The following PAWR variants were observed in gnomAD, a reference collection of about 807,000 sequenced individuals.
The protein encoded by PAWR is pro-apoptotic WT1 regulator, also known as PRKC apoptosis WT1 regulator protein.
Under a neutral mutation model 32.0 loss-of-function variants are expected in PAWR, and 23 were observed. The observed-to-expected ratio is 0.72, with a 90% CI of 0.52 to 1.02. PAWR has a LOEUF of 1.02. Ranked by LOEUF, PAWR falls within the 50% of genes least tolerant of loss-of-function variation. PAWR has a pLI of 0.00. For synonymous variants in PAWR, 226 were observed against 187.1 expected (o/e 1.21, Z -1.70); for missense variants, 457 against 437.7 (o/e 1.04, Z -0.39).
In PAWR at chr12:79,587,189, C is replaced by T. The variant is rs1205360936; in HGVS notation, c.*5418G>A. ...AATTTACTGGCTTGCTAGTGGAATA[C>T]GTCCTTATATAGGGACTTGAAGAGT... On this transcript the variant is annotated 3_prime_UTR_variant, in exon 7 of 7. Coordinates refer to ENST00000328827, the MANE Select transcript of PAWR (RefSeq NM_002583.4). The T allele has an allele frequency of 1.3e-5, 2 of 151,968 alleles. No individual in the cohort carries two copies. Among genetic ancestry groups the T allele is most frequent in the Admixed American group, 6.6e-5 (1 of 15,264 alleles). 9.4% of individuals were successfully genotyped at this position (151,968 alleles called of 1,614,324 possible).
At chr12:79,639,885 CCATTCCATT>C (rs1430700288) in intron 2 of PAWR, among the ~76,000 whole-genome samples, 1 of 77,062 alleles carries the variant, frequency 1.3e-5, no homozygotes, top group African/African-American at 3.8e-5. Context: ...TATTCCTATT[CCATTCCATT>C]CCATTCCATT....
chr12:79,683,281 A>C (rs915950762), intron 2 of PAWR, among the ~76,000 whole-genome samples: 1 of 152,210 alleles, frequency 6.6e-6, no homozygotes, highest in Admixed American at 6.5e-5. Context: ...TGATTTGGGC[A>C]TTTTTATAAC....
intron 2 of PAWR, among the ~76,000 whole-genome samples, chr12:79,638,885 TATATATATA>T: frequency 8.0e-5 from 1 of 12,520 alleles, no homozygotes; most frequent in Non-Finnish European, 1.8e-4. Context: ...TATATATATA[TATATATATA>T]TATTTTTTTT....
chr12:79,593,231 T>C (rs1873621348), intron 6 of PAWR, among the ~76,000 whole-genome samples: 1 of 152,172 alleles, frequency 6.6e-6, no homozygotes, highest in African/African-American at 2.4e-5. Flanking sequence ...AAAGGGGATC[T>C]GGAGTATCTT....
chr12:79,684,543 G>A (rs1307915330), intron 2 of PAWR, among the ~76,000 whole-genome samples: 1 of 151,828 alleles, frequency 6.6e-6, no homozygotes, highest in Non-Finnish European at 1.5e-5. Context: ...CCCGGGAGGT[G>A]GAGGCTGCAG....
At chr12:79,638,703 A>G (rs1315474720) in intron 2 of PAWR, among the ~76,000 whole-genome samples, 10 of 150,558 alleles carry the variant, frequency 6.6e-5, no homozygotes, top group South Asian at 4.2e-4. Flanking sequence ...GGAGTACAGC[A>G]TTCCCTCAGC....
At chr12:79,604,716 C>T (rs1207909681) in intron 4 of PAWR, 2 of 1,286,190 alleles carry the variant, frequency 1.6e-6, no homozygotes, top group African/African-American at 3.0e-5. Flanking sequence ...GGGTTTATCT[C>T]TCTTCCTTTA....
intron 2 of PAWR, among the ~76,000 whole-genome samples, chr12:79,666,988 C>T (rs1877639409): frequency 6.6e-6 from 1 of 152,184 alleles, no homozygotes; most frequent in Non-Finnish European, 1.5e-5. Flanking sequence ...GCAAACCTGC[C>T]TCTGACCTAG....
At chr12:79,657,107 A>G (rs1055327853) in intron 2 of PAWR, among the ~76,000 whole-genome samples, 24 of 152,260 alleles carry the variant, frequency 1.6e-4, no homozygotes, top group Non-Finnish European at 4.4e-5. Context: ...AAAGCTGAGA[A>G]GAGGCAACAT....
chr12:79,630,252 CTATGA>C (rs2136740948), intron 2 of PAWR, among the ~76,000 whole-genome samples: 1 of 151,624 alleles, frequency 6.6e-6, no homozygotes, highest in East Asian at 1.9e-4. Flanking sequence ...AAATGATATT[CTATGA>C]TATTAAAAGA....
At chr12:79,616,033 T>C (rs1592502940) in intron 3 of PAWR, among the ~76,000 whole-genome samples, 1 of 137,916 alleles carries the variant, frequency 7.3e-6, no homozygotes, top group South Asian at 2.2e-4. Flanking sequence ...CTCCAGCCTG[T>C]GCAACAGAGC....
intron 4 of PAWR, among the ~76,000 whole-genome samples, chr12:79,608,639 T>C (rs1874304914): frequency 6.6e-6 from 1 of 152,218 alleles, no homozygotes; most frequent in Non-Finnish European, 1.5e-5. Context: ...AGTCTTATCA[T>C]TTAAACAATG....
intron 2 of PAWR, chr12:79,688,460 T>G (rs1878791182): frequency 7.4e-6 from 1 of 134,874 alleles, no homozygotes; most frequent in Non-Finnish European, 1.5e-5. Flanking sequence ...ATCTTCATAT[T>G]TTTAACTAAA....
At chr12:79,660,261 T>G (rs187696947) in intron 2 of PAWR, among the ~76,000 whole-genome samples, 26 of 152,280 alleles carry the variant, frequency 1.7e-4, no homozygotes, top group African/African-American at 6.3e-4. Context: ...AAAATCCTTT[T>G]TCCTAGGGCA....
chr12:79,673,164 G>A (rs181714702), intron 2 of PAWR, among the ~76,000 whole-genome samples: 1 of 152,202 alleles, frequency 6.6e-6, no homozygotes, highest in East Asian at 1.9e-4. Context: ...CCGCCTCCCA[G>A]GTTCACGCTA....
At chr12:79,670,877 GT>G (rs34293759) in intron 2 of PAWR, among the ~76,000 whole-genome samples, 67 of 145,192 alleles carry the variant, frequency 4.6e-4, no homozygotes, top group Middle Eastern at 7.2e-3. Flanking sequence ...TTTTTTAGGG[GT>G]TTTTTTTTTT....
At chr12:79,636,398 CTTGAACAGTAGGG>C (rs1348943180) in intron 2 of PAWR, among the ~76,000 whole-genome samples, 1 of 152,066 alleles carries the variant, frequency 6.6e-6, no homozygotes, top group Admixed American at 6.6e-5. Context: ...AATAACAACT[CTTGAACAGTAGGG>C]GTAAACCTAA....
At chr12:79,599,118 T>C (rs898683836) in intron 4 of PAWR, among the ~76,000 whole-genome samples, 3 of 152,220 alleles carry the variant, frequency 2.0e-5, no homozygotes, top group African/African-American at 4.8e-5. Flanking sequence ...CTAACTCACA[T>C]ATTTGAAAAG....
intron 2 of PAWR, among the ~76,000 whole-genome samples, chr12:79,685,554 C>A (rs1012896380): frequency 2.0e-5 from 3 of 152,182 alleles, no homozygotes; most frequent in African/African-American, 4.8e-5. Context: ...GGTGTCATGA[C>A]CCCATCTTGA....
Sources: allele counts gnomAD v4.1 joint callset (sites outside exome capture counted in the v4.1 genomes callset), GRCh38; gene constraint gnomAD v4.1.1; transcripts MANE v1.5; gene names NCBI Gene and HGNC (gene_info 2026-07-23, HGNC 2026-07-21).